The following LRBA variants were observed in gnomAD, a reference collection of about 807,000 sequenced individuals.
LRBA encodes the protein lipopolysaccharide-responsive and beige-like anchor protein.
In LRBA, 176 loss-of-function variants were observed where a neutral mutation model predicts 330.0. The ratio of observed to expected loss-of-function variants is 0.53; its 90% CI spans 0.47 to 0.60. The LOEUF (loss-of-function observed/expected upper bound fraction) is 0.60, where lower values mean the gene tolerates loss of function less well. Ranked by LOEUF, LRBA falls within the 20% of genes least tolerant of loss-of-function variation. LRBA has a pLI of 0.00. For synonymous variants in LRBA, 1,230 were observed against 1,193.0 expected (o/e 1.03, Z -0.64); for missense variants, 3,259 against 3,444.8 (o/e 0.95, Z 1.35).
intron 37 of LRBA, among the ~76,000 whole-genome samples, chr4:150,658,513 CTCCCT>C (rs1581948677): frequency 0.11 from 3 of 28 alleles, no homozygotes; most frequent in South Asian, 0.5. Context: ...AAGTCTCCCT[CTCCCT>C]CTCCCTCTCC....
intron 34 of LRBA, among the ~76,000 whole-genome samples, chr4:150,786,923 G>T (rs1381931347): frequency 6.6e-6 from 1 of 152,164 alleles, no homozygotes; most frequent in Admixed American, 6.5e-5. Flanking sequence ...AGAGGATTTT[G>T]AGTGCTGTTA....
chr4:150,694,958 T>C (rs1582071294), intron 36 of LRBA, among the ~76,000 whole-genome samples: 1 of 152,154 alleles, frequency 6.6e-6, no homozygotes, highest in African/African-American at 2.4e-5. Flanking sequence ...ATAATATTTG[T>C]AAAAACAAGC....
At chr4:150,648,251 A>G (rs1169868134) in intron 37 of LRBA, among the ~76,000 whole-genome samples, 2 of 151,202 alleles carry the variant, frequency 1.3e-5, no homozygotes, top group African/African-American at 4.8e-5. Flanking sequence ...ACACAAACAA[A>G]TATCATAAAT....
intron 2 of LRBA, among the ~76,000 whole-genome samples, chr4:150,992,607 AAG>A (rs1742222097): frequency 6.6e-6 from 1 of 152,236 alleles, no homozygotes; most frequent in Non-Finnish European, 1.5e-5. Flanking sequence ...TAATCCTAGA[AAG>A]AGATACCTGG....
chr4:150,849,624 C>T (rs375892581), intron 24 of LRBA, 49 bp from the exon 25 acceptor site: 29 of 1,487,074 alleles, frequency 2.0e-5, no homozygotes, highest in Non-Finnish European at 2.5e-5. Flanking sequence ...GAAAGGAAAT[C>T]ACAGTTTGCC....
chr4:150,910,127 T>C (rs181134952), intron 9 of LRBA, among the ~76,000 whole-genome samples: 53 of 152,312 alleles, frequency 3.5e-4, no homozygotes, highest in Middle Eastern at 3.4e-3. Flanking sequence ...CTGCTGGATA[T>C]TTCCTCTGAT....
chr4:150,872,598 CT>C, intron 18 of LRBA, 64 bp downstream of exon 18: 1 of 1,083,610 alleles, frequency 9.2e-7, no homozygotes, highest in Admixed American at 2.0e-5. Flanking sequence ...AAAATTACTA[CT>C]GCAAAGATTT....
chr4:150,789,328 T>C (rs1283737875), intron 34 of LRBA, among the ~76,000 whole-genome samples: 1 of 152,158 alleles, frequency 6.6e-6, no homozygotes, highest in East Asian at 1.9e-4. Flanking sequence ...TTGCTAAAAC[T>C]GTATATATAT....
chr4:150,618,028 T>TG (rs1039327592), intron 37 of LRBA, among the ~76,000 whole-genome samples: 20 of 151,984 alleles, frequency 1.3e-4, no homozygotes, highest in African/African-American at 4.3e-4. Context: ...CGATTGAGCC[T>TG]GGGGAGGTTG....
chr4:150,590,191 A>G (rs1476573638), intron 39 of LRBA, among the ~76,000 whole-genome samples: 1 of 152,182 alleles, frequency 6.6e-6, no homozygotes, highest in Non-Finnish European at 1.5e-5. Flanking sequence ...TGTAAAACTG[A>G]GAATCTGCAG....
At chr4:150,702,743 C>A (rs989909189) in intron 36 of LRBA, among the ~76,000 whole-genome samples, 1 of 152,088 alleles carries the variant, frequency 6.6e-6, no homozygotes, top group Non-Finnish European at 1.5e-5. Context: ...TAAATTCATG[C>A]TCTTAAGCAT....
chr4:150,482,717 A>T (rs1757425030), intron 42 of LRBA, among the ~76,000 whole-genome samples: 1 of 152,132 alleles, frequency 6.6e-6, no homozygotes. Context: ...TTAAAAAGTT[A>T]TTCGAATAGG....
chr4:151,007,842 G>C (rs1353634254), intron 2 of LRBA, among the ~76,000 whole-genome samples: 2 of 120,648 alleles, frequency 1.7e-5, no homozygotes, highest in Non-Finnish European at 3.3e-5. Context: ...GGGCCACAGA[G>C]CAAGACTCCA....
rs148719277 is a variant in LRBA at position 150,964,905 on chromosome 4, C to T, written c.217-35840G>A. Reference sequence around the variant, plus strand: ...GATAATTCAAAGAAAATATGGTCAACCTTAGTCATAAGGGAAATGTAAATT... The same window carrying T: ...GATAATTCAAAGAAAATATGGTCAATCTTAGTCATAAGGGAAATGTAAATT... On this transcript the variant is annotated intron_variant, in intron 2 of 56. Transcript: ENST00000651943. Among the ~76,000 whole-genome samples, 566 of 152,240 alleles carry T rather than the reference C, an allele frequency of 3.7e-3. 3 individuals are homozygous for T. The highest frequency in any genetic ancestry group is 6.9e-3 in the Non-Finnish European group (466 of 68,020).
intron 40 of LRBA, among the ~76,000 whole-genome samples, chr4:150,571,317 A>G (rs867753536): frequency 2.5e-4 from 38 of 152,128 alleles, no homozygotes; most frequent in South Asian, 6.2e-4. Flanking sequence ...CTAATCCAAC[A>G]GAAAAACACA....
intron 40 of LRBA, among the ~76,000 whole-genome samples, chr4:150,523,633 T>C (rs1234007836): frequency 6.6e-6 from 1 of 152,202 alleles, no homozygotes. Context: ...TCACTAGTGA[T>C]GGTAACTTCA....
chr4:150,460,388 G>A (rs1382724280), intron 44 of LRBA, among the ~76,000 whole-genome samples: 2 of 151,744 alleles, frequency 1.3e-5, no homozygotes, highest in South Asian at 2.1e-4. Context: ...GCACAAACAG[G>A]AGCAACTCAG....
At chr4:150,892,211 A>G (rs1046781702) in intron 17 of LRBA, among the ~76,000 whole-genome samples, 6 of 152,248 alleles carry the variant, frequency 3.9e-5, no homozygotes, top group Non-Finnish European at 7.3e-5. Flanking sequence ...TCATTAAACA[A>G]AAGATTTTAA....
chr4:150,508,328 G>T (rs1236486988), intron 40 of LRBA, among the ~76,000 whole-genome samples: 1 of 150,820 alleles, frequency 6.6e-6, no homozygotes, highest in African/African-American at 2.4e-5. Flanking sequence ...TGTCACCCAG[G>T]CTGGAGTGCA....
Sources: gnomAD v4.1 joint callset for allele counts (sites outside exome capture counted in the v4.1 genomes callset) on GRCh38, gnomAD v4.1.1 for gene constraint, MANE v1.5 for transcripts, NCBI Gene and HGNC (gene_info 2026-07-23, HGNC 2026-07-21) for gene names.